Variants in IL1RL2 observed in about 807,000 individuals in gnomAD.
IL1RL2 encodes interleukin 1 receptor like 2.
IL1RL2 carries 68 observed loss-of-function variants against 66.8 expected under a neutral mutation model. The ratio of observed to expected loss-of-function variants is 1.02; its 90% CI spans 0.84 to 1.25. The LOEUF (loss-of-function observed/expected upper bound fraction) is 1.25. Among genes scored for constraint, IL1RL2 ranks in the 50% most tolerant of loss-of-function variants. The pLI is 0.00. For synonymous variants in IL1RL2, 305 were observed against 264.6 expected (o/e 1.15, Z -1.48); for missense variants, 729 against 709.3 (o/e 1.03, Z -0.32).
At chr2:102,193,547 T>G (rs1356419715) in intron 4 of IL1RL2, among the ~76,000 whole-genome samples, 2 of 152,188 alleles carry the variant, frequency 1.3e-5, no homozygotes, top group Non-Finnish European at 2.9e-5. Flanking sequence ...TGACAGAATC[T>G]TGCTATGATG....
Position 102,219,064 on chromosome 2 carries a change from G to T in IL1RL2, c.836G>T (p.Arg279Leu), listed in dbSNP as rs866058726. ...GATGATTACTATGATGAATCCAAAC[G>T]AATCAGAGAAGGGGTGGAGTAGGTG... The part of the protein sequence containing the change: ...LVDDYYDESK[R>L]IREGVETHVS... Residue 279 changes from arginine to leucine, a missense_variant, in exon 7 of 12, where the codon CGA becomes CTA. Transcript: ENST00000264257. 1.2e-5 allele frequency: 20 copies of T among 1,613,762 alleles called. No individual in the cohort carries two copies. Among genetic ancestry groups the T allele is most frequent in the Non-Finnish European group, 1.4e-5 (16 of 1,179,808 alleles).
intron 3 of IL1RL2, 130 bp downstream of exon 3, chr2:102,189,440 A>G: frequency 1.6e-6 from 1 of 638,062 alleles, no homozygotes; most frequent in South Asian, 2.2e-5. Flanking sequence ...TTGCTACAAG[A>G]CAATTTCCAG....
rs1674773096 is a variant in IL1RL2, at chr2:102,235,242, AGCT to A, written c.1649_1651del (p.Leu550del). ...AGGTGTCGGCCGTTTCCTCCGGTCC[AGCT>A]GCTGCAGCACACACCTTGCTACCGC... On this transcript the variant is annotated inframe_deletion, in exon 11 of 12. Coordinates refer to ENST00000264257, the MANE Select transcript of IL1RL2 (RefSeq NM_003854.4). 1.2e-6 allele frequency: 2 copies of A among 1,614,018 alleles called. No homozygotes were observed. Among genetic ancestry groups the A allele is most frequent in the South Asian group, 2.2e-5 (2 of 91,070 alleles).
intron 6 of IL1RL2, among the ~76,000 whole-genome samples, chr2:102,217,709 T>C (rs920015195): frequency 3.3e-5 from 5 of 152,134 alleles, no homozygotes; most frequent in African/African-American, 1.2e-4. Context: ...TAAATGGTGA[T>C]AGGAAAATTG....
chr2:102,235,145 G>T lies in IL1RL2; in HGVS notation c.1546G>T (p.Asp516Tyr). ...GCATGGTGCCATCCGGTGGCATGGG[G>T]ACTTCACGGAGCAGTCACAGTGTAT... The part of the protein sequence containing the change: ...QKHGAIRWHG[D>Y]FTEQSQCMKT... The change falls in exon 11 of 12, where the codon GAC becomes TAC. Residue 516 changes from aspartate (D) to tyrosine (Y), a missense_variant. Asp to Tyr is a radical substitution (Grantham distance 160). Transcript: ENST00000264257. 1.2e-6 allele frequency: 2 copies of T among 1,614,236 alleles called. No individual in the cohort carries two copies. The highest frequency in any genetic ancestry group is 1.7e-6 in the Non-Finnish European group (2 of 1,180,048).
chr2:102,212,193 G>A lies in IL1RL2; in HGVS notation c.724+19G>A, dbSNP rs1689229554. 6.4e-7 allele frequency: 1 copy of A among 1,553,482 alleles called. No individual in the cohort carries two copies. Among genetic ancestry groups the A allele is most frequent in the Non-Finnish European group, 8.9e-7 (1 of 1,125,338 alleles). On this transcript the variant is annotated intron_variant, in intron 6 of 11. Transcript: ENST00000264257. Reference sequence around the variant, plus strand: ...CAGCTTGGTGAGTAAAATTATTGAAGCCATTGAAATCACCAGGGGAAGAGC... The same window carrying A: ...CAGCTTGGTGAGTAAAATTATTGAAACCATTGAAATCACCAGGGGAAGAGC...
At chr2:102,188,002 G>A (rs1388863592) in intron 2 of IL1RL2, 77 bp downstream of exon 2, 5 of 1,437,182 alleles carry the variant, frequency 3.5e-6, no homozygotes, top group African/African-American at 2.8e-5. Context: ...GAGCCCCCGG[G>A]GATCGCGTCA....
chr2:102,201,314 C>T (rs998939832), intron 4 of IL1RL2, among the ~76,000 whole-genome samples: 4 of 152,120 alleles, frequency 2.6e-5, no homozygotes, highest in Non-Finnish European at 5.9e-5. Flanking sequence ...TATCTATATA[C>T]ACACACATGC....
intron 6 of IL1RL2, among the ~76,000 whole-genome samples, chr2:102,216,320 A>G (rs1037048807): frequency 5.3e-5 from 8 of 152,194 alleles, no homozygotes; most frequent in Non-Finnish European, 1.0e-4. Flanking sequence ...GTCTCTTCTT[A>G]TAATTTTTAA....
At chr2:102,222,907 T>G (rs1690263064) in intron 8 of IL1RL2, among the ~76,000 whole-genome samples, 1 of 152,082 alleles carries the variant, frequency 6.6e-6, no homozygotes, top group South Asian at 2.1e-4. Context: ...GAAGTTTGAG[T>G]TCTTTACTGA....
At chr2:102,230,273 G>A (rs1017259393) in intron 9 of IL1RL2, among the ~76,000 whole-genome samples, 23 of 151,926 alleles carry the variant, frequency 1.5e-4, no homozygotes, top group African/African-American at 3.4e-4. Flanking sequence ...TTCTATCTAT[G>A]GAAAAAAAAT....
intron 7 of IL1RL2, among the ~76,000 whole-genome samples, chr2:102,219,637 T>A (rs1453931208): frequency 1.3e-5 from 2 of 152,098 alleles, no homozygotes; most frequent in African/African-American, 4.8e-5. Flanking sequence ...GGAAAGGCCT[T>A]TGGGGCTGAG....
chr2:102,187,373 C>A, intron 1 of IL1RL2: 3 of 1,154,002 alleles, frequency 2.6e-6, no homozygotes. Flanking sequence ...CCCCAGTGAG[C>A]GGGTGTTTGG....
chr2:102,220,466 G>A (rs970642042), intron 8 of IL1RL2, among the ~76,000 whole-genome samples: 1 of 152,200 alleles, frequency 6.6e-6, no homozygotes, highest in Non-Finnish European at 1.5e-5. Flanking sequence ...AACTCAATGT[G>A]TGTATACGAA....
At chr2:102,192,153 T>G (rs773099105) in intron 4 of IL1RL2, 33 bp downstream of exon 4, 6 of 1,435,536 alleles carry the variant, frequency 4.2e-6, no homozygotes, top group Non-Finnish European at 5.7e-6. Flanking sequence ...ATATTTTTCC[T>G]CCTTTTCTTT....
At chr2:102,241,208 C>T (rs1017304740), downstream of IL1RL2, among the ~76,000 whole-genome samples, 1 of 152,214 alleles carries the variant, frequency 6.6e-6, no homozygotes, top group African/African-American at 2.4e-5. Flanking sequence ...GGAGATAGTG[C>T]CATTTTCGAA....
At chr2:102,202,649 G>A (rs972982155) in intron 5 of IL1RL2, among the ~76,000 whole-genome samples, 29 of 152,038 alleles carry the variant, frequency 1.9e-4, no homozygotes, top group African/African-American at 6.3e-4. Flanking sequence ...TGTGGCTATT[G>A]TAAATGGGAT....
At chr2:102,228,381 C>T (rs906311022) in intron 9 of IL1RL2, among the ~76,000 whole-genome samples, 1 of 152,182 alleles carries the variant, frequency 6.6e-6, no homozygotes, top group African/African-American at 2.4e-5. Context: ...TTTACCCTGA[C>T]TAGGTTAGCT....
rs76107834 is a variant in IL1RL2, at chr2:102,221,272, C to T, written c.991+1255C>T. On this transcript the variant is annotated intron_variant, in intron 8 of 11. Coordinates refer to ENST00000264257, the MANE Select transcript of IL1RL2 (RefSeq NM_003854.4). ...TCTAAGAGGTTCATCATCTGTGCTG[C>T]TTTTCTTTCTGTGTCCTCATCCCTC... 3.3e-4 allele frequency among the ~76,000 whole-genome samples: 51 copies of T among 152,284 alleles called. No individual in the cohort carries two copies. In the East Asian group the frequency reaches 9.7e-3, roughly 29 times the overall value.
Sources: gnomAD v4.1 joint callset for allele counts (sites outside exome capture counted in the v4.1 genomes callset) on GRCh38, gnomAD v4.1.1 for gene constraint, MANE v1.5 for transcripts, NCBI Gene and HGNC (gene_info 2026-07-23, HGNC 2026-07-21) for gene names.